The following OTUD7A variants were observed in gnomAD, a reference collection of about 807,000 sequenced individuals.
The protein encoded by OTUD7A is OTU domain-containing protein 7A.
A neutral mutation model predicts 65.7 loss-of-function variants in OTUD7A; 12 were observed. The observed-to-expected ratio is 0.18, with a 90% CI of 0.12 to 0.30. The LOEUF (loss-of-function observed/expected upper bound fraction) is 0.30, where lower values mean the gene tolerates loss of function less well. OTUD7A is among the 10% of genes least tolerant of loss of function. OTUD7A has a pLI of 1.00. For missense variants in OTUD7A, 1,148 were observed against 1,304.8 expected (o/e 0.88, Z 1.85); for synonymous variants, 641 against 586.3 (o/e 1.09, Z -1.35).
chr15:31,828,965 A>T (rs747707428), intron 1 of OTUD7A, among the ~76,000 whole-genome samples: 10 of 152,158 alleles, frequency 6.6e-5, no homozygotes, highest in Non-Finnish European at 1.3e-4. Context: ...GGCTCTATCC[A>T]AGCAGAGAAA....
At chr15:31,671,340 A>G (rs1482616382) in intron 1 of OTUD7A, among the ~76,000 whole-genome samples, 1 of 152,180 alleles carries the variant, frequency 6.6e-6, no homozygotes, top group Non-Finnish European at 1.5e-5. Flanking sequence ...TCCTTTCCCC[A>G]TTGCTTGTTT....
chr15:31,596,837 G>A (rs934699010), intron 3 of OTUD7A, among the ~76,000 whole-genome samples: 3 of 151,658 alleles, frequency 2.0e-5, no homozygotes, highest in African/African-American at 4.9e-5. Context: ...TAATTAATTT[G>A]TGGTTGTAAT....
intron 1 of OTUD7A, among the ~76,000 whole-genome samples, chr15:31,750,085 C>A (rs1894589298): frequency 6.6e-6 from 1 of 152,132 alleles, no homozygotes; most frequent in Non-Finnish European, 1.5e-5. Flanking sequence ...AAATGCATTC[C>A]ATGCTCATGA....
At chr15:31,862,220 T>C (rs1416055413) in intron 1 of OTUD7A, among the ~76,000 whole-genome samples, 1 of 152,186 alleles carries the variant, frequency 6.6e-6, no homozygotes, top group East Asian at 1.9e-4. Flanking sequence ...TCTTTCATCA[T>C]CCCCAAGGAT....
intron 1 of OTUD7A, chr15:31,787,490 T>C (rs886437249): frequency 2.6e-5 from 4 of 152,136 alleles, no homozygotes; most frequent in African/African-American, 9.7e-5. Flanking sequence ...TAAGCCTAGG[T>C]GGCAGCCTTA....
At chr15:31,672,427 C>T (rs187500275) in intron 1 of OTUD7A, among the ~76,000 whole-genome samples, 43 of 152,298 alleles carry the variant, frequency 2.8e-4, no homozygotes, top group African/African-American at 9.9e-4. Context: ...TTCCCATGGG[C>T]CTAAATCCCC....
chr15:31,776,794 C>A (rs1032990170), intron 1 of OTUD7A, among the ~76,000 whole-genome samples: 1 of 152,082 alleles, frequency 6.6e-6, no homozygotes, highest in African/African-American at 2.4e-5. Context: ...TGAAAGTGGG[C>A]ATTTGCTAGT....
rs2041161437 is a variant in OTUD7A at position 31,483,266 on chromosome 15, C to G, written c.*28G>C. 3 of 1,077,410 alleles carry G rather than the reference C, an allele frequency of 2.8e-6. No homozygotes were observed. The highest frequency in any genetic ancestry group is 1.7e-5 in the African/African-American group (1 of 59,302). The allele number at this position is 1,077,410 out of a possible 1,614,324, so 66.7% of individuals were successfully genotyped here. On this transcript the variant is annotated 3_prime_UTR_variant, in exon 13 of 13. Coordinates refer to ENST00000307050, the MANE Select transcript of OTUD7A (RefSeq NM_001382637.1). The stretch of plus-strand genomic sequence containing the variant: ...GGAAAAGAAATCCTCGAAGGTAGAA[C>G]CTCGCCGCCCGCGCCGCGCCGCGCC...
intron 1 of OTUD7A, among the ~76,000 whole-genome samples, chr15:31,671,360 A>G (rs1305376327): frequency 6.6e-6 from 1 of 152,168 alleles, no homozygotes. Context: ...TTTGTCAAAA[A>G]TCAGATGGTT....
chr15:31,504,897 C>T (rs867115676), intron 8 of OTUD7A, among the ~76,000 whole-genome samples: 3 of 148,542 alleles, frequency 2.0e-5, no homozygotes, highest in African/African-American at 4.9e-5. Context: ...CTCAATTTAC[C>T]TTTTTTTTTT....
chr15:31,859,734 C>T lies in OTUD7A; in HGVS notation c.-100+10773G>A, dbSNP rs185155890. On this transcript the variant is annotated intron_variant, in intron 1 of 12. Coordinates refer to ENST00000307050, the MANE Select transcript of OTUD7A (RefSeq NM_001382637.1). ...AAAGTCCCAATGGGTTCCAAGGTTG[C>T]GGCTTGGTTGCTGATATCAGAACCT... is the stretch of plus-strand genomic sequence containing the variant. Among the ~76,000 whole-genome samples the T allele has an allele frequency of 1.1e-3, 173 of 152,262 alleles. 1 individual carries two copies. Among genetic ancestry groups the T allele is most frequent in the Middle Eastern group, 3.4e-3 (1 of 294 alleles).
At chr15:31,818,545 T>C (rs1474101280) in intron 1 of OTUD7A, among the ~76,000 whole-genome samples, 1 of 152,174 alleles carries the variant, frequency 6.6e-6, no homozygotes, top group Non-Finnish European at 1.5e-5. Context: ...TGGCTTTGAC[T>C]GATAAAGAGT....
chr15:31,544,946 A>G (rs1888087161), intron 5 of OTUD7A, among the ~76,000 whole-genome samples: 1 of 152,048 alleles, frequency 6.6e-6, no homozygotes, highest in Admixed American at 6.5e-5. Flanking sequence ...TTCATTCATT[A>G]TACATTCTTT....
In OTUD7A at chr15:31,739,547, C is replaced by G. The variant is rs1313541219; in HGVS notation, c.-99-82470G>C. On this transcript the variant is annotated intron_variant, in intron 1 of 12. Transcript: ENST00000307050. Reference sequence around the variant, plus strand: ...ATAGACAAAAGAGACATAAAACTTTCAAATAACTACTAAGGTTTTTAAAAT... The same window carrying G: ...ATAGACAAAAGAGACATAAAACTTTGAAATAACTACTAAGGTTTTTAAAAT... Among the ~76,000 whole-genome samples, 3 of 152,102 alleles carry G rather than the reference C, an allele frequency of 2.0e-5. No individual in the cohort carries two copies. In the East Asian group the frequency reaches 5.8e-4, roughly 29 times the overall value.
At chr15:31,660,231 G>A (rs1162947422) in intron 1 of OTUD7A, among the ~76,000 whole-genome samples, 1 of 152,242 alleles carries the variant, frequency 6.6e-6, no homozygotes, top group Non-Finnish European at 1.5e-5. Flanking sequence ...GCCCACCCTG[G>A]TAAGAAGATC....
At chr15:31,615,036 TAATA>T (rs1458891866) in intron 3 of OTUD7A, among the ~76,000 whole-genome samples, 1 of 152,108 alleles carries the variant, frequency 6.6e-6, no homozygotes, top group Non-Finnish European at 1.5e-5. Context: ...AATAGAACAT[TAATA>T]AATACTTTGA....
intron 1 of OTUD7A, among the ~76,000 whole-genome samples, chr15:31,697,211 G>A (rs1893103037): frequency 1.0e-5 from 1 of 98,746 alleles, no homozygotes; most frequent in Non-Finnish European, 2.5e-5. Flanking sequence ...TTTCCCGAGT[G>A]GACTCCTCCC....
chr15:31,500,569 G>A (rs564741273), intron 10 of OTUD7A, among the ~76,000 whole-genome samples: 2 of 152,360 alleles, frequency 1.3e-5, no homozygotes, highest in Non-Finnish European at 2.9e-5. Flanking sequence ...CGCTGGTGCC[G>A]CCTCTGGCGG....
intron 3 of OTUD7A, among the ~76,000 whole-genome samples, chr15:31,620,135 C>T (rs537592473): frequency 1.4e-4 from 21 of 152,246 alleles, no homozygotes; most frequent in East Asian, 3.9e-4. Flanking sequence ...TCATGGTGGA[C>T]AAGCTTTTTG....
Sources: gnomAD v4.1 joint callset for allele counts (sites outside exome capture counted in the v4.1 genomes callset) on GRCh38, gnomAD v4.1.1 for gene constraint, MANE v1.5 for transcripts, NCBI Gene and HGNC (gene_info 2026-07-23, HGNC 2026-07-21) for gene names.